Variants in KCNQ2 observed in about 807,000 individuals in gnomAD.
KCNQ2 encodes the protein potassium voltage-gated channel subfamily KQT member 2.
A neutral mutation model predicts 84.8 loss-of-function variants in KCNQ2; 14 were observed. That is an observed-to-expected ratio of 0.17 (90% CI 0.11 to 0.26). KCNQ2 has a LOEUF of 0.26. KCNQ2 is among the 10% of genes least tolerant of loss of function. The pLI is 1.00. For missense variants in KCNQ2, 788 were observed against 1,254.0 expected (o/e 0.63, Z 5.61); for synonymous variants, 599 against 554.1 (o/e 1.08, Z -1.14).
intron 1 of KCNQ2, among the ~76,000 whole-genome samples, chr20:63,454,764 C>T (rs916258844): frequency 1.3e-5 from 2 of 152,256 alleles, no homozygotes; most frequent in Admixed American, 1.3e-4. Flanking sequence ...TGATGGCATC[C>T]CCCAGGCCTC....
chr20:63,418,679 A>G (rs1172337256), intron 12 of KCNQ2, among the ~76,000 whole-genome samples: 1 of 152,214 alleles, frequency 6.6e-6, no homozygotes, highest in Non-Finnish European at 1.5e-5. Flanking sequence ...GCGCCCCAGC[A>G]GGCCATGCCC....
At chr20:63,452,926 G>T (rs986151098) in intron 1 of KCNQ2, among the ~76,000 whole-genome samples, 1 of 152,250 alleles carries the variant, frequency 6.6e-6, no homozygotes, top group Non-Finnish European at 1.5e-5. Flanking sequence ...AGGGGTTGGG[G>T]CGGGGGCTTC....
intron 7 of KCNQ2, among the ~76,000 whole-genome samples, chr20:63,435,908 C>T (rs919986418): frequency 2.6e-5 from 4 of 152,172 alleles, no homozygotes; most frequent in Non-Finnish European, 4.4e-5. Flanking sequence ...AGTCCCCCAC[C>T]CTCTGGCCAC....
chr20:63,414,376 G>T lies in KCNQ2; in HGVS notation c.1526-183C>A. On this transcript the variant is annotated intron_variant, in intron 13 of 16. Transcript: ENST00000359125. This position sits in a 1 kb window ranked among gnomAD's most constrained non-coding sequence, Gnocchi z 6.6. ...CTGCACCCAGCTGCTCTCGAGTCAG[G>T]ACCTTCCCCGGCAGGCTGTGGCCAC... 6.6e-6 allele frequency among the ~76,000 whole-genome samples: 1 copy of T among 152,194 alleles called. No individual in the cohort carries two copies. Among genetic ancestry groups the T allele is most frequent in the East Asian group, 1.9e-4 (1 of 5,178 alleles).
chr20:63,427,291 T>C (rs1033993757), intron 10 of KCNQ2, among the ~76,000 whole-genome samples: 1 of 152,260 alleles, frequency 6.6e-6, no homozygotes, highest in African/African-American at 2.4e-5. Flanking sequence ...TGATTGCAGG[T>C]GTGCATCAGC....
chr20:63,427,083 G>A (rs952055695), intron 10 of KCNQ2, among the ~76,000 whole-genome samples: 6 of 152,150 alleles, frequency 3.9e-5, no homozygotes, highest in South Asian at 2.1e-4. Flanking sequence ...TTAGCCGGGC[G>A]TAGTAGCAGG....
At chr20:63,448,741 C>T (rs2081511682) in intron 1 of KCNQ2, among the ~76,000 whole-genome samples, 1 of 152,212 alleles carries the variant, frequency 6.6e-6, no homozygotes, top group African/African-American at 2.4e-5. Context: ...AGACTGGGCA[C>T]AGGCACGGGC....
chr20:63,406,949 G>C lies in KCNQ2; in HGVS notation c.2314C>G (p.Pro772Ala), dbSNP rs1255598759. The C allele has an allele frequency of 1.3e-6, 2 of 1,582,862 alleles. No individual in the cohort carries two copies. The highest frequency in any genetic ancestry group is 3.5e-5 in the Admixed American group (2 of 57,076). ...TTCCCCTCGGGGGGCCTGCAGCCCG[G>C]GGTGTCCTCCTGCCGCAGGAACTCC... ...SMEFLRQEDTPGCRPPEGNLR... is the reference protein window; with the variant it reads ...SMEFLRQEDTAGCRPPEGNLR... The change falls in exon 17 of 17, where the codon CCG becomes GCG. Residue 772 changes from proline (P) to alanine (A), a missense_variant. Around this residue, in one of 8 missense-constraint regions of KCNQ2, gnomAD observed 378 missense variants for 434.5 expected, o/e 0.87. Coordinates refer to ENST00000359125, the MANE Select transcript of KCNQ2 (RefSeq NM_172107.4).
Position 63,438,520 on chromosome 20 carries a change from C to T in KCNQ2, c.1023+105G>A, listed in dbSNP as rs2081068874. 2 of 919,124 alleles carry T rather than the reference C, an allele frequency of 2.2e-6. No homozygotes were observed. Among genetic ancestry groups the T allele is most frequent in the Non-Finnish European group, 3.6e-6 (2 of 557,894 alleles). The allele number at this position is 919,124 out of a possible 1,614,324, so 56.9% of individuals were successfully genotyped here. ...TCCTGCAGAGGGTGAGCGCTGTGGC[C>T]CATCCACAGACAGGGCAATGCCAAA... On this transcript the variant is annotated intron_variant, in intron 7 of 16. Transcript: ENST00000359125. The surrounding 1 kb of genome is among the most constrained non-coding windows in gnomAD (Gnocchi z 5.1).
chr20:63,414,484 C>T lies in KCNQ2; in HGVS notation c.1526-291G>A, dbSNP rs540693117. Among the ~76,000 whole-genome samples, 3 of 152,148 alleles carry T rather than the reference C, an allele frequency of 2.0e-5. No homozygotes were observed. Among genetic ancestry groups the T allele is most frequent in the East Asian group, 1.9e-4 (1 of 5,144 alleles). ...TGGCGCATCCACGCACAGATGTTAACGGCGGAAGGTGCAGGCCTGACATCT... is the reference window on the plus strand; with the variant it reads ...TGGCGCATCCACGCACAGATGTTAATGGCGGAAGGTGCAGGCCTGACATCT... On this transcript the variant is annotated intron_variant, in intron 13 of 16. Transcript: ENST00000359125. The surrounding 1 kb of genome is among the most constrained non-coding windows in gnomAD (Gnocchi z 6.6).
chr20:63,448,829 C>A (rs1163820419), intron 1 of KCNQ2, among the ~76,000 whole-genome samples: 1 of 152,164 alleles, frequency 6.6e-6, no homozygotes, highest in Non-Finnish European at 1.5e-5. Context: ...CAGGCATGGG[C>A]ATCCTGGGGG....
At chr20:63,442,722 C>T (rs867806797) in intron 4 of KCNQ2, among the ~76,000 whole-genome samples, 191 bp from the exon 5 acceptor site, 6 of 63,244 alleles carry the variant, frequency 9.5e-5, no homozygotes, top group East Asian at 4.9e-4. Flanking sequence ...ACCACCACCA[C>T]CATCATCACC....
At chr20:63,431,511 T>A in intron 8 of KCNQ2, 142 bp from the exon 9 acceptor site, 1 of 927,480 alleles carries the variant, frequency 1.1e-6, no homozygotes, top group Non-Finnish European at 1.7e-6. Context: ...GGGCTGGTTC[T>A]GTCCCTGCCC....
intron 15 of KCNQ2, 30 bp downstream of exon 15, chr20:63,413,420 C>T: frequency 6.2e-7 from 1 of 1,612,460 alleles, no homozygotes; most frequent in Non-Finnish European, 8.5e-7. Context: ...CGTTCTTGTC[C>T]CCTGCTGGAC....
intron 15 of KCNQ2, chr20:63,411,982 G>A: frequency 1.5e-6 from 1 of 659,762 alleles, no homozygotes; most frequent in South Asian, 1.7e-5. Flanking sequence ...AAGCAACAGG[G>A]AGGCTCCGTC....
Position 63,472,265 on chromosome 20 carries a change from G to T in KCNQ2, c.199C>A (p.Pro67Thr), listed in dbSNP as rs972841085. 2 of 1,538,068 alleles carry T rather than the reference G, an allele frequency of 1.3e-6. No individual in the cohort carries two copies. Among genetic ancestry groups the T allele is most frequent in the Non-Finnish European group, 1.8e-6 (2 of 1,142,322 alleles). ...PRAGGAGAGK[P>T]PKRNAFYRKL... ...CGGTAGAAGGCGTTGCGCTTGGGGG[G>T]CTTCCCGGCGCCCGCGCCGCCCGCG... Residue 67 changes from proline to threonine, a missense_variant, in exon 1 of 17, where the codon CCC becomes ACC. By Grantham distance (38) the Pro-to-Thr change is conservative. Transcript: ENST00000359125.
chr20:63,446,872 G>C lies in KCNQ2; in HGVS notation c.297-35C>G, dbSNP rs758166249. The C allele has an allele frequency of 1.3e-6, 2 of 1,552,326 alleles. No individual in the cohort carries two copies. Among genetic ancestry groups the C allele is most frequent in the Non-Finnish European group, 1.8e-6 (2 of 1,124,646 alleles). On this transcript the variant is annotated intron_variant, in intron 1 of 16. Coordinates refer to ENST00000359125, the MANE Select transcript of KCNQ2 (RefSeq NM_172107.4). The surrounding 1 kb of genome is among the most constrained non-coding windows in gnomAD (Gnocchi z 5.5). The stretch of plus-strand genomic sequence containing the variant: ...GGGAACGCGCGCTCTCAGACAGGCC[G>C]CAGCAGGGCAGCAGCATGGCTGTGT...
At chr20:63,432,765 T>G (rs79900120) in intron 8 of KCNQ2, among the ~76,000 whole-genome samples, 7 of 54,308 alleles carry the variant, frequency 1.3e-4, no homozygotes, top group Non-Finnish European at 2.3e-4. Context: ...CAGGGAAGGC[T>G]CCACCCTCAG....
chr20:63,431,317 G>C (rs1295126424), intron 9 of KCNQ2, 23 bp downstream of exon 9: 1 of 1,613,328 alleles, frequency 6.2e-7, no homozygotes, highest in Admixed American at 1.7e-5. Context: ...CACACACAGG[G>C]CTTCTGTCCA....
Sources: gnomAD v4.1 joint callset for allele counts (sites outside exome capture counted in the v4.1 genomes callset) on GRCh38, gnomAD v4.1.1 for gene constraint, gnomAD v4.1.1 regional missense constraint, Gnocchi (gnomAD v3.1) non-coding constraint, MANE v1.5 for transcripts, NCBI Gene and HGNC (gene_info 2026-07-23, HGNC 2026-07-21) for gene names.